The following IRAK1BP1 variants were observed in gnomAD, a reference collection of about 807,000 sequenced individuals.
The protein encoded by IRAK1BP1 is interleukin-1 receptor-associated kinase 1-binding protein 1.
In IRAK1BP1, 24 loss-of-function variants were observed where a neutral mutation model predicts 28.0. That is an observed-to-expected ratio of 0.86 (90% CI 0.62 to 1.20). IRAK1BP1 has a LOEUF of 1.20. Among genes scored for constraint, IRAK1BP1 ranks in the 50% most tolerant of loss-of-function variants. IRAK1BP1 has a pLI of 0.00. For missense variants in IRAK1BP1, 336 were observed against 316.7 expected (o/e 1.06, Z -0.46); for synonymous variants, 131 against 116.3 (o/e 1.13, Z -0.81).
chr6:78,912,768 G>A (rs1197138977), intron 4 of IRAK1BP1, among the ~76,000 whole-genome samples: 3 of 152,060 alleles, frequency 2.0e-5, no homozygotes, highest in Non-Finnish European at 4.4e-5. Context: ...ATAAATCTTT[G>A]AAATATTACA....
chr6:78,907,501 T>C (rs1772290009), downstream of IRAK1BP1, among the ~76,000 whole-genome samples: 1 of 152,110 alleles, frequency 6.6e-6, no homozygotes. Flanking sequence ...CTTTCTTCAC[T>C]AGGAACAGAA....
intron 1 of IRAK1BP1, among the ~76,000 whole-genome samples, chr6:78,877,645 G>A (rs955784831): frequency 4.6e-5 from 7 of 152,124 alleles, no homozygotes; most frequent in Admixed American, 2.6e-4. Flanking sequence ...CAGTGGGTGC[G>A]GGACAGTGGG....
intron 4 of IRAK1BP1, among the ~76,000 whole-genome samples, chr6:78,914,317 A>C (rs1399263326): frequency 6.6e-6 from 1 of 152,236 alleles, no homozygotes; most frequent in Non-Finnish European, 1.5e-5. Flanking sequence ...TTAATTTTGA[A>C]GATAAGCCAT....
rs183987597 is a variant in IRAK1BP1 at position 78,875,367 on chromosome 6, A to G, written c.315+7476A>G. Among the ~76,000 whole-genome samples the G allele has an allele frequency of 1.5e-3, 222 of 152,306 alleles. 2 individuals carry two copies. In the Middle Eastern group the frequency reaches 0.037, roughly 26 times the overall value. ...AATAAAATTACCATTTGACCTGGCA[A>G]TCTCTTTGCCGGGCCTATACCCAAA... On this transcript the variant is annotated intron_variant, in intron 1 of 3. Coordinates refer to ENST00000369940, the MANE Select transcript of IRAK1BP1 (RefSeq NM_001010844.4).
rs141039037 is a variant in IRAK1BP1 at position 78,880,418 on chromosome 6, G to A, written c.316-4960G>A. ...TTCACATTTAGGATGCTCAACCTGT[G>A]TTACCAAAAAGCACAGTCCATGAAA... On this transcript the variant is annotated intron_variant, in intron 1 of 3. Transcript: ENST00000369940. Among the ~76,000 whole-genome samples the A allele has an allele frequency of 6.4e-4, 98 of 152,250 alleles. 1 individual carries two copies. In the South Asian group the frequency reaches 8.1e-3, roughly 13 times the overall value.
At chr6:78,885,535 T>C (rs1240951120) in intron 2 of IRAK1BP1, 92 bp downstream of exon 2, 1 of 589,486 alleles carries the variant, frequency 1.7e-6, no homozygotes, top group Non-Finnish European at 3.0e-6. Flanking sequence ...AAAATGCTTC[T>C]CATGATATTA....
At chr6:78,888,469 T>G (rs1172574847) in intron 2 of IRAK1BP1, among the ~76,000 whole-genome samples, 1 of 152,132 alleles carries the variant, frequency 6.6e-6, no homozygotes. Flanking sequence ...AAATTGTATA[T>G]TCTAAATATG....
chr6:78,896,852 A>G (rs1389649789), intron 2 of IRAK1BP1, among the ~76,000 whole-genome samples: 1 of 151,614 alleles, frequency 6.6e-6, no homozygotes, highest in Non-Finnish European at 1.5e-5. Flanking sequence ...ATGATTAAAG[A>G]CAGATGTTCT....
intron 2 of IRAK1BP1, among the ~76,000 whole-genome samples, chr6:78,891,752 G>A (rs1442766816): frequency 1.3e-5 from 2 of 152,144 alleles, no homozygotes; most frequent in Non-Finnish European, 2.9e-5. Context: ...GTGAGCCACC[G>A]TGCCCAGCCT....
chr6:78,897,030 G>T (rs1771909502), intron 2 of IRAK1BP1, among the ~76,000 whole-genome samples: 1 of 151,936 alleles, frequency 6.6e-6, no homozygotes, highest in East Asian at 1.9e-4. Context: ...TGGGAGGATT[G>T]CTTGAGGCCA....
intron 1 of IRAK1BP1, among the ~76,000 whole-genome samples, chr6:78,873,663 GT>G (rs1353937190): frequency 6.6e-6 from 1 of 152,016 alleles, no homozygotes; most frequent in Non-Finnish European, 1.5e-5. Context: ...TAGAGACGGG[GT>G]CTTACTATGT....
downstream of IRAK1BP1, among the ~76,000 whole-genome samples, chr6:78,907,543 C>T (rs1415904694): frequency 1.3e-5 from 2 of 152,028 alleles, no homozygotes. Context: ...AAGTGAAATT[C>T]CAGAGACCCA....
chr6:78,960,535 A>C, the IRAK1BP1 span, among the ~76,000 whole-genome samples: 3 of 152,058 alleles, frequency 2.0e-5, no homozygotes, highest in East Asian at 3.9e-4. Flanking sequence ...ATGGTTGGGA[A>C]CCACATAGCA....
At chr6:78,975,026 G>A in the IRAK1BP1 span, among the ~76,000 whole-genome samples, 1 of 150,982 alleles carries the variant, frequency 6.6e-6, no homozygotes, top group African/African-American at 2.4e-5. Flanking sequence ...CATTTTATGA[G>A]GCCAGCATCA....
At chr6:78,921,445 G>A (rs147976013) in intron 4 of IRAK1BP1, among the ~76,000 whole-genome samples, 1,877 of 152,334 alleles carry the variant, frequency 0.012, 25 homozygotes, top group Non-Finnish European at 0.017. Flanking sequence ...ACTGGGTGGA[G>A]CCCACGGCAG....
At chr6:78,890,207 G>A (rs976019371) in intron 2 of IRAK1BP1, among the ~76,000 whole-genome samples, 1 of 151,796 alleles carries the variant, frequency 6.6e-6, no homozygotes, top group African/African-American at 2.4e-5. Context: ...AATCATAAGT[G>A]GGAGTTGAAC....
At chr6:78,871,845 T>C in intron 1 of IRAK1BP1, 1 of 443,210 alleles carries the variant, frequency 2.3e-6, no homozygotes, top group Non-Finnish European at 3.9e-6. Context: ...ATGTCACTGA[T>C]GCTATTGATA....
chr6:78,897,741 C>A, intron 2 of IRAK1BP1, 88 bp from the exon 3 acceptor site: 1 of 1,107,616 alleles, frequency 9.0e-7, no homozygotes, highest in Non-Finnish European at 1.3e-6. Context: ...ACCTCATAGT[C>A]TGGCTATACT....
chr6:78,977,183 A>G, the IRAK1BP1 span, among the ~76,000 whole-genome samples: 1 of 150,664 alleles, frequency 6.6e-6, no homozygotes, highest in Non-Finnish European at 1.5e-5. Flanking sequence ...ACACCATGGA[A>G]TACTATGCAG....
Sources: gnomAD v4.1 joint callset for allele counts (sites outside exome capture counted in the v4.1 genomes callset) on GRCh38, gnomAD v4.1.1 for gene constraint, MANE v1.5 for transcripts, NCBI Gene and HGNC (gene_info 2026-07-23, HGNC 2026-07-21) for gene names.